The following PDE4D variants were observed in gnomAD, a reference collection of about 807,000 sequenced individuals.
PDE4D encodes phosphodiesterase 4D.
PDE4D carries 24 observed loss-of-function variants against 87.4 expected under a neutral mutation model. The ratio of observed to expected loss-of-function variants is 0.27; its 90% CI spans 0.20 to 0.39. PDE4D has a LOEUF of 0.39. Ranked by LOEUF, PDE4D falls within the 10% of genes least tolerant of loss-of-function variation. The pLI is 1.00. For synonymous variants in PDE4D, 384 were observed against 383.2 expected, an observed-to-expected ratio of 1.00 and a Z score of -0.02; for missense variants, 714 against 1,041.0, an observed-to-expected ratio of 0.69 and a Z score of 4.32.
At chr5:59,366,542 T>C (rs1783089983) in intron 1 of PDE4D, among the ~76,000 whole-genome samples, 1 of 152,202 alleles carries the variant, frequency 6.6e-6, no homozygotes, top group South Asian at 2.1e-4. Context: ...TGGTAAGTTA[T>C]GAGTCAGTCA....
intron 1 of PDE4D, among the ~76,000 whole-genome samples, chr5:60,194,118 T>TTCTC (rs1003581969): frequency 2.0e-5 from 3 of 151,628 alleles, no homozygotes; most frequent in African/African-American, 7.2e-5. Flanking sequence ...ATCATTCTCT[T>TTCTC]TCTCTTCAAA....
At chr5:60,467,386 C>T (rs1747444606) in intron 1 of PDE4D, among the ~76,000 whole-genome samples, 1 of 152,126 alleles carries the variant, frequency 6.6e-6, no homozygotes, top group Non-Finnish European at 1.5e-5. Flanking sequence ...TGAGAATTTT[C>T]CAACTTCTAA....
intron 1 of PDE4D, among the ~76,000 whole-genome samples, chr5:59,556,100 A>G (rs1333383060): frequency 2.6e-5 from 4 of 152,160 alleles, no homozygotes; most frequent in African/African-American, 9.6e-5. Context: ...ACATTAAAAA[A>G]TAAGCTTTCT....
At chr5:60,236,886 C>T (rs1328388681) in intron 1 of PDE4D, among the ~76,000 whole-genome samples, 3 of 151,920 alleles carry the variant, frequency 2.0e-5, no homozygotes, top group African/African-American at 4.8e-5. Flanking sequence ...TGATTTCAGT[C>T]TGGTGAAAAC....
intron 1 of PDE4D, among the ~76,000 whole-genome samples, chr5:59,260,737 A>G (rs529670622): frequency 1.3e-5 from 2 of 151,904 alleles, no homozygotes; most frequent in African/African-American, 4.8e-5. Context: ...CAAAGCTTCA[A>G]AAAAGCTAAT....
chr5:59,508,824 T>C (rs1809752445), intron 1 of PDE4D, among the ~76,000 whole-genome samples: 1 of 151,926 alleles, frequency 6.6e-6, no homozygotes, highest in African/African-American at 2.4e-5. Context: ...AAACAACAAA[T>C]TAGACTCTAC....
At chr5:59,301,565 G>A (rs1287430062) in intron 1 of PDE4D, among the ~76,000 whole-genome samples, 1 of 152,094 alleles carries the variant, frequency 6.6e-6, no homozygotes, top group Non-Finnish European at 1.5e-5. Context: ...AGAAAGAAGT[G>A]CGCTGTGAAA....
intron 1 of PDE4D, among the ~76,000 whole-genome samples, chr5:59,346,187 G>A (rs1048134168): frequency 1.3e-5 from 2 of 152,038 alleles, no homozygotes; most frequent in Non-Finnish European, 2.9e-5. Flanking sequence ...GGTTATCTTC[G>A]GGTGCATAGT....
chr5:59,364,006 C>T (rs1025355805), intron 1 of PDE4D, among the ~76,000 whole-genome samples: 1 of 152,164 alleles, frequency 6.6e-6, no homozygotes, highest in Non-Finnish European at 1.5e-5. Flanking sequence ...CTTTTCAGTC[C>T]ATCCAACCAA....
intron 1 of PDE4D, among the ~76,000 whole-genome samples, chr5:60,217,598 A>C (rs1016308289): frequency 2.0e-5 from 3 of 151,986 alleles, no homozygotes; most frequent in Non-Finnish European, 2.9e-5. Context: ...TATGTTCATC[A>C]AAATAAATTA....
At chr5:59,539,449 A>AAG (rs1815897821) in intron 1 of PDE4D, among the ~76,000 whole-genome samples, 1 of 152,174 alleles carries the variant, frequency 6.6e-6, no homozygotes, top group Non-Finnish European at 1.5e-5. Context: ...CAGTGTTGGT[A>AAG]AGAGCTATAG....
At chr5:59,866,053 G>A (rs1457967562) in intron 1 of PDE4D, among the ~76,000 whole-genome samples, 1 of 152,214 alleles carries the variant, frequency 6.6e-6, no homozygotes, top group Non-Finnish European at 1.5e-5. Context: ...TGTGGATTAA[G>A]TATATGAGTA....
At chr5:59,006,508 G>A (rs564289314) in intron 6 of PDE4D, among the ~76,000 whole-genome samples, 1 of 152,246 alleles carries the variant, frequency 6.6e-6, no homozygotes, top group Admixed American at 6.5e-5. Flanking sequence ...CTTGAGGCCA[G>A]GAGTTTAAGG....
chr5:59,153,771 TTG>T (rs1214257104), intron 5 of PDE4D, among the ~76,000 whole-genome samples: 1 of 151,094 alleles, frequency 6.6e-6, no homozygotes, highest in East Asian at 2.0e-4. Context: ...TTTGTTGTTG[TTG>T]TTTTTTTTTA....
chr5:60,237,614 T>C (rs1320832496), intron 1 of PDE4D, among the ~76,000 whole-genome samples: 2 of 152,008 alleles, frequency 1.3e-5, no homozygotes, highest in African/African-American at 4.8e-5. Context: ...GGATTAGATA[T>C]GGTGGCAAAG....
chr5:60,048,187 C>T (rs1429645580), intron 2 of PDE4D, among the ~76,000 whole-genome samples: 1 of 151,692 alleles, frequency 6.6e-6, no homozygotes, highest in Non-Finnish European at 1.5e-5. Context: ...AGGATTGCAA[C>T]CCCTGCCTTT....
intron 1 of PDE4D, among the ~76,000 whole-genome samples, chr5:59,706,574 A>T (rs183864570): frequency 3.3e-5 from 5 of 152,212 alleles, no homozygotes; most frequent in Admixed American, 2.6e-4. Context: ...GAATGAGAAC[A>T]TAAGTCTACC....
intron 1 of PDE4D, among the ~76,000 whole-genome samples, chr5:60,373,210 A>G (rs1415336918): frequency 6.6e-6 from 1 of 152,230 alleles, no homozygotes; most frequent in East Asian, 1.9e-4. Context: ...AATTGTCTAG[A>G]GTTAAATATT....
chr5:60,494,922 T>A (rs1474470416), intron 1 of PDE4D, among the ~76,000 whole-genome samples: 2 of 152,166 alleles, frequency 1.3e-5, no homozygotes, highest in Non-Finnish European at 2.9e-5. Context: ...CCTATTTGCA[T>A]AGCCCTGAGC....
Sources: allele counts gnomAD v4.1 joint callset (sites outside exome capture counted in the v4.1 genomes callset), GRCh38; gene constraint gnomAD v4.1.1; transcripts MANE v1.5; gene names NCBI Gene and HGNC (gene_info 2026-07-23, HGNC 2026-07-21).